Variants in TRAPPC9 observed in about 807,000 individuals in gnomAD.
The protein encoded by TRAPPC9 is IKK2 binding protein.
Under a neutral mutation model 124.0 loss-of-function variants are expected in TRAPPC9, and 83 were observed. The observed-to-expected ratio is 0.67, with a 90% CI of 0.56 to 0.80. The LOEUF (loss-of-function observed/expected upper bound fraction) is 0.80, where lower values mean the gene tolerates loss of function less well. Ranked by LOEUF, TRAPPC9 falls within the 30% of genes least tolerant of loss-of-function variation. The pLI, the probability that TRAPPC9 is intolerant of heterozygous loss-of-function variation, is 0.00. For synonymous variants in TRAPPC9, 638 were observed against 617.5 expected (o/e 1.03, Z -0.49); for missense variants, 1,302 against 1,508.3 (o/e 0.86, Z 2.27).
intron 19 of TRAPPC9, among the ~76,000 whole-genome samples, chr8:139,979,368 C>T (rs996188116): frequency 6.6e-6 from 1 of 152,198 alleles, no homozygotes; most frequent in Non-Finnish European, 1.5e-5. Flanking sequence ...GCAAGCCAAA[C>T]GTCTCTAGCC....
intron 21 of TRAPPC9, among the ~76,000 whole-genome samples, chr8:139,870,274 T>C (rs1352997062): frequency 6.6e-6 from 1 of 152,058 alleles, no homozygotes; most frequent in Non-Finnish European, 1.5e-5. Context: ...AAATAAAAGG[T>C]TTGAATATTA....
At chr8:140,080,619 C>T (rs1843760540) in intron 17 of TRAPPC9, among the ~76,000 whole-genome samples, 1 of 152,184 alleles carries the variant, frequency 6.6e-6, no homozygotes, top group African/African-American at 2.4e-5. Context: ...TCTCAGGAGA[C>T]AGCACCAATC....
chr8:140,304,703 A>G (rs1387926935), intron 10 of TRAPPC9, among the ~76,000 whole-genome samples: 2 of 152,198 alleles, frequency 1.3e-5, no homozygotes, highest in South Asian at 2.1e-4. Context: ...ATCGGCAGAC[A>G]CCTACCAGCT....
At chr8:140,422,940 G>C (rs2070273828) in intron 5 of TRAPPC9, among the ~76,000 whole-genome samples, 1 of 152,022 alleles carries the variant, frequency 6.6e-6, no homozygotes, top group Non-Finnish European at 1.5e-5. Flanking sequence ...TGAGACACCA[G>C]GTCACATCCA....
At chr8:140,446,185 T>C (rs924131601) in intron 2 of TRAPPC9, among the ~76,000 whole-genome samples, 2 of 151,222 alleles carry the variant, frequency 1.3e-5, no homozygotes, top group African/African-American at 4.9e-5. Flanking sequence ...TCCCAGCTAC[T>C]TGAGAGGCTG....
At chr8:139,982,226 A>G (rs1309096471) in intron 19 of TRAPPC9, among the ~76,000 whole-genome samples, 3 of 152,306 alleles carry the variant, frequency 2.0e-5, no homozygotes, top group South Asian at 2.1e-4. Flanking sequence ...CCGGTTGTGC[A>G]TGGAAAATGG....
intron 1 of TRAPPC9, 105 bp downstream of exon 1, chr8:140,457,534 G>A (rs932312778): frequency 1.3e-5 from 12 of 909,724 alleles, no homozygotes; most frequent in Non-Finnish European, 1.6e-5. Context: ...GGTGAGGGCC[G>A]GGCGAGCCCC....
intron 3 of TRAPPC9, 69 bp downstream of exon 3, chr8:140,438,983 C>A (rs2070915770): frequency 6.2e-7 from 1 of 1,603,958 alleles, no homozygotes. Context: ...AGCCACCGCA[C>A]CCAGCCTCTC....
intron 3 of TRAPPC9, among the ~76,000 whole-genome samples, chr8:140,437,155 A>T (rs112166219): frequency 0.032 from 4,893 of 150,606 alleles, 246 homozygotes; most frequent in African/African-American, 0.1. Flanking sequence ...ATTTTATTTT[A>T]TTTTATTTTG....
chr8:140,270,801 G>A (rs1224850087), intron 15 of TRAPPC9, among the ~76,000 whole-genome samples: 1 of 152,210 alleles, frequency 6.6e-6, no homozygotes, highest in African/African-American at 2.4e-5. Flanking sequence ...GCCAAAATTA[G>A]CTCCTGACAG....
chr8:139,810,384 G>C (rs1031476205), intron 21 of TRAPPC9, among the ~76,000 whole-genome samples: 3 of 152,208 alleles, frequency 2.0e-5, no homozygotes, highest in African/African-American at 7.2e-5. Context: ...GACGGATCCT[G>C]CGAGCCAGGG....
At chr8:140,101,282 G>A (rs932943335) in intron 17 of TRAPPC9, among the ~76,000 whole-genome samples, 3 of 151,936 alleles carry the variant, frequency 2.0e-5, no homozygotes, top group African/African-American at 2.4e-5. Context: ...TGAAACTACA[G>A]GTCCACACTA....
At chr8:140,249,125 C>T (rs1324920757) in intron 16 of TRAPPC9, among the ~76,000 whole-genome samples, 1 of 152,024 alleles carries the variant, frequency 6.6e-6, no homozygotes, top group Non-Finnish European at 1.5e-5. Context: ...GTGATTCTGT[C>T]ATCCGGACAG....
intron 9 of TRAPPC9, among the ~76,000 whole-genome samples, chr8:140,323,896 AT>A (rs5895638): frequency 0.56 from 84,643 of 151,618 alleles, 23,839 homozygotes; most frequent in African/African-American, 0.64. Context: ...TAAAAAATAT[AT>A]TTTTTTTTAT....
chr8:140,154,737 T>C (rs976966495), intron 17 of TRAPPC9, among the ~76,000 whole-genome samples: 1 of 152,210 alleles, frequency 6.6e-6, no homozygotes, highest in African/African-American at 2.4e-5. Flanking sequence ...TTTATCTCAG[T>C]TTGAAGTAAT....
At chr8:139,878,889 GCA>G (rs1829500960) in intron 21 of TRAPPC9, among the ~76,000 whole-genome samples, 6 of 152,372 alleles carry the variant, frequency 3.9e-5, no homozygotes, top group South Asian at 4.1e-4. Context: ...GGTCAAGAAT[GCA>G]GTGAGCTATG....
chr8:140,209,087 A>G (rs1192383437), intron 17 of TRAPPC9, among the ~76,000 whole-genome samples: 1 of 152,138 alleles, frequency 6.6e-6, no homozygotes, highest in Non-Finnish European at 1.5e-5. Context: ...GCAAACCATC[A>G]CTGACATAGG....
chr8:139,731,507 T>C (rs953872539), intron 22 of TRAPPC9, among the ~76,000 whole-genome samples: 1 of 151,172 alleles, frequency 6.6e-6, no homozygotes, highest in African/African-American at 2.4e-5. Context: ...GAGGGAGAGG[T>C]TGGGGCAGAG....
intron 18 of TRAPPC9, among the ~76,000 whole-genome samples, chr8:140,016,075 T>C (rs1273528068): frequency 6.6e-6 from 1 of 152,212 alleles, no homozygotes; most frequent in Non-Finnish European, 1.5e-5. Context: ...CCTCAAGAAT[T>C]AGTACAACGT....
Sources: gnomAD v4.1 joint callset for allele counts (sites outside exome capture counted in the v4.1 genomes callset) on GRCh38, gnomAD v4.1.1 for gene constraint, MANE v1.5 for transcripts, NCBI Gene and HGNC (gene_info 2026-07-23, HGNC 2026-07-21) for gene names.